The following SLC16A7 variants were observed in gnomAD, a reference collection of about 807,000 sequenced individuals.
SLC16A7 encodes the protein solute carrier family 16 member 7.
In SLC16A7, 33 loss-of-function variants were observed where a neutral mutation model predicts 34.9. That is an observed-to-expected ratio of 0.94 (90% CI 0.72 to 1.26). The LOEUF is 1.26. Among genes scored for constraint, SLC16A7 ranks in the 50% most tolerant of loss-of-function variants. SLC16A7 has a pLI of 0.00. For missense variants in SLC16A7, 573 were observed against 578.1 expected (o/e 0.99, Z 0.09); for synonymous variants, 201 against 206.6 (o/e 0.97, Z 0.23).
chr12:59,768,652 C>T (rs919779073), intron 3 of SLC16A7, among the ~76,000 whole-genome samples: 2 of 152,072 alleles, frequency 1.3e-5, no homozygotes, highest in Non-Finnish European at 2.9e-5. Context: ...ACAAAGAAAT[C>T]TAGCATGAAA....
chr12:59,665,750 T>C (rs76256604), intron 2 of SLC16A7, among the ~76,000 whole-genome samples: 1,986 of 151,358 alleles, frequency 0.013, 52 homozygotes, highest in African/African-American at 0.045. Flanking sequence ...TATATATATA[T>C]ACACACACAC....
chr12:59,601,464 A>G (rs190592618), intron 1 of SLC16A7, among the ~76,000 whole-genome samples: 1 of 152,330 alleles, frequency 6.6e-6, no homozygotes, highest in African/African-American at 2.4e-5. Context: ...AGTTCTTCTC[A>G]AATATGTGAA....
At chr12:59,725,610 A>C (rs1282492097) in intron 3 of SLC16A7, among the ~76,000 whole-genome samples, 2 of 152,162 alleles carry the variant, frequency 1.3e-5, no homozygotes, top group African/African-American at 2.4e-5. Context: ...TCTAAGATAG[A>C]TGAGATGTAT....
At chr12:59,663,365 TA>T (rs58995882) in intron 2 of SLC16A7, among the ~76,000 whole-genome samples, 49,247 of 151,658 alleles carry the variant, frequency 0.32, 8,626 homozygotes, top group African/African-American at 0.46. Context: ...ATTATCAATA[TA>T]AAAAAAGTAG....
intron 3 of SLC16A7, among the ~76,000 whole-genome samples, chr12:59,738,517 G>C (rs1449586013): frequency 6.6e-6 from 1 of 152,122 alleles, no homozygotes; most frequent in Non-Finnish European, 1.5e-5. Context: ...TGTCTATTCT[G>C]ACATAGACCA....
chr12:59,597,365 C>G (rs1225798820), intron 1 of SLC16A7, among the ~76,000 whole-genome samples: 1 of 151,778 alleles, frequency 6.6e-6, no homozygotes, highest in Non-Finnish European at 1.5e-5. Context: ...CTCTTGGGTC[C>G]CAAAGGAGAT....
At chr12:59,669,389 C>A (rs774926800) in intron 2 of SLC16A7, among the ~76,000 whole-genome samples, 9 of 151,428 alleles carry the variant, frequency 5.9e-5, no homozygotes, top group African/African-American at 2.2e-4. Context: ...ATATAGATTT[C>A]TTTTGTTTTT....
chr12:59,674,552 C>A (rs1219493658), intron 2 of SLC16A7, among the ~76,000 whole-genome samples: 1 of 152,172 alleles, frequency 6.6e-6, no homozygotes, highest in Non-Finnish European at 1.5e-5. Flanking sequence ...GAAATCTGAA[C>A]TGCGCTAATA....
chr12:59,680,720 G>A (rs1186889785), intron 2 of SLC16A7, among the ~76,000 whole-genome samples: 1 of 151,544 alleles, frequency 6.6e-6, no homozygotes, highest in Middle Eastern at 3.4e-3. Context: ...TAGCCCTGTA[G>A]CCACTGTGCT....
intron 2 of SLC16A7, among the ~76,000 whole-genome samples, chr12:59,684,941 G>A (rs921966984): frequency 1.3e-5 from 2 of 152,122 alleles, no homozygotes; most frequent in African/African-American, 4.8e-5. Context: ...TAATAATTTT[G>A]TTACTTCTAA....
chr12:59,751,645 C>T (rs1368091500), intron 3 of SLC16A7, among the ~76,000 whole-genome samples: 1 of 152,240 alleles, frequency 6.6e-6, no homozygotes, highest in Non-Finnish European at 1.5e-5. Flanking sequence ...GGAAGCCTGC[C>T]TGCCTCTGTA....
intron 3 of SLC16A7, among the ~76,000 whole-genome samples, chr12:59,727,151 C>CATATATATATAT (rs61274058): frequency 8.5e-5 from 12 of 141,980 alleles, no homozygotes; most frequent in African/African-American, 2.6e-4. Flanking sequence ...ATGAGATGGA[C>CATATATATATAT]ATATATATAT....
intron 3 of SLC16A7, among the ~76,000 whole-genome samples, chr12:59,746,101 C>G (rs1030520513): frequency 6.6e-6 from 1 of 152,218 alleles, no homozygotes; most frequent in Non-Finnish European, 1.5e-5. Flanking sequence ...CTCTTGGTTA[C>G]TTCTTTGTGT....
At chr12:59,640,144 C>T (rs1212756047) in intron 1 of SLC16A7, among the ~76,000 whole-genome samples, 1 of 152,096 alleles carries the variant, frequency 6.6e-6, no homozygotes, top group African/African-American at 2.4e-5. Flanking sequence ...GCCACCTTCC[C>T]AGTACTTGGA....
chr12:59,600,573 T>A lies in SLC16A7; in HGVS notation c.-130+4337T>A, dbSNP rs148331539. 4.0e-4 allele frequency among the ~76,000 whole-genome samples: 61 copies of A among 152,226 alleles called. No homozygotes were observed. The East Asian group carries it at 9.1e-3, about 23-fold the overall frequency. On this transcript the variant is annotated intron_variant, in intron 1 of 5. Coordinates refer to ENST00000547379, the MANE Select transcript of SLC16A7 (RefSeq NM_001270623.2). ...TGAGAGATCCAGCTGTTTAAAATCATAATATGAGAGACTAGCCTAAAATGG... is the reference window on the plus strand; with the variant it reads ...TGAGAGATCCAGCTGTTTAAAATCAAAATATGAGAGACTAGCCTAAAATGG...
rs144227098 is a variant in SLC16A7, at chr12:59,631,583, G to A, written c.-129-23569G>A. Reference sequence around the variant, plus strand: ...GTTCCAGGGTACATGTGCAGGATGTGCAAATTTGTTACATAGGTAAACATG... The same window carrying A: ...GTTCCAGGGTACATGTGCAGGATGTACAAATTTGTTACATAGGTAAACATG... On this transcript the variant is annotated intron_variant, in intron 1 of 5. Transcript: ENST00000547379. Among the ~76,000 whole-genome samples, 1,258 of 152,070 alleles carry A rather than the reference G, an allele frequency of 8.3e-3. 15 individuals carry two copies. The highest frequency in any genetic ancestry group is 0.029 in the African/African-American group (1,210 of 41,528).
intron 3 of SLC16A7, among the ~76,000 whole-genome samples, chr12:59,750,317 C>A (rs1879372546): frequency 6.6e-6 from 1 of 152,116 alleles, no homozygotes; most frequent in African/African-American, 2.4e-5. Context: ...ATCTATCCAT[C>A]CGACAAAGGG....
At chr12:59,768,984 CAAGACTCTGTCTCAACAACAACAACAA>C (rs1881961746) in intron 3 of SLC16A7, 1 of 152,312 alleles carries the variant, frequency 6.6e-6, no homozygotes, top group Non-Finnish European at 1.5e-5. Flanking sequence ...GGTGACAGAG[CAAGACTCTGTCTCAACAACAACAACAA>C]AAGATTGCCA....
intron 2 of SLC16A7, among the ~76,000 whole-genome samples, chr12:59,686,583 A>C (rs12309542): frequency 6.6e-6 from 1 of 152,036 alleles, no homozygotes; most frequent in Non-Finnish European, 1.5e-5. Flanking sequence ...TTGCAGTATA[A>C]TACTCTTAAA....
Sources: gnomAD v4.1 joint callset for allele counts (sites outside exome capture counted in the v4.1 genomes callset) on GRCh38, gnomAD v4.1.1 for gene constraint, MANE v1.5 for transcripts, NCBI Gene and HGNC (gene_info 2026-07-23, HGNC 2026-07-21) for gene names.